The following DDC variants were observed in gnomAD, a reference collection of about 807,000 sequenced individuals.
The protein encoded by DDC is aromatic-L-amino-acid decarboxylase.
Under a neutral mutation model 60.0 loss-of-function variants are expected in DDC, and 43 were observed. That is an observed-to-expected ratio of 0.72 (90% CI 0.56 to 0.92). The LOEUF is 0.92. DDC is among the 40% of genes least tolerant of loss of function. The pLI is 0.00. For missense variants in DDC, 573 were observed against 620.2 expected (o/e 0.92, Z 0.81); for synonymous variants, 232 against 234.6 (o/e 0.99, Z 0.10).
chr7:50,548,092 C>G (rs1227423766), intron 1 of DDC, among the ~76,000 whole-genome samples: 2 of 152,146 alleles, frequency 1.3e-5, no homozygotes, highest in Non-Finnish European at 2.9e-5. Context: ...TGGACCACAC[C>G]CACATGATGG....
At chr7:50,502,917 T>C (rs2043294386) in intron 7 of DDC, among the ~76,000 whole-genome samples, 1 of 152,248 alleles carries the variant, frequency 6.6e-6, no homozygotes, top group African/African-American at 2.4e-5. Flanking sequence ...GGGTGGATCC[T>C]GGGCTGCACC....
At chr7:50,528,792 G>C (rs184512069) in intron 5 of DDC, among the ~76,000 whole-genome samples, 17 of 152,158 alleles carry the variant, frequency 1.1e-4, no homozygotes, top group Non-Finnish European at 2.1e-4. Flanking sequence ...CATGAAAGCC[G>C]GCCACCTTTT....
chr7:50,509,051 C>T (rs1230992774), intron 6 of DDC, among the ~76,000 whole-genome samples: 1 of 152,112 alleles, frequency 6.6e-6, no homozygotes, highest in Non-Finnish European at 1.5e-5. Flanking sequence ...TATTTGCGCC[C>T]TCTACCCATG....
intron 10 of DDC, 100 bp downstream of exon 10, chr7:50,479,687 T>G (rs2042724193): frequency 3.9e-6 from 4 of 1,025,148 alleles, no homozygotes; most frequent in Non-Finnish European, 6.2e-6. Flanking sequence ...AAAGCCTCCT[T>G]GGATATGGAT....
chr7:50,564,027 C>T (rs1007695632), intron 1 of DDC: 58 of 152,228 alleles, frequency 3.8e-4, no homozygotes, highest in African/African-American at 1.4e-3. Context: ...TCTCCCCTTT[C>T]CTGGAGACCA....
At chr7:50,518,225 AAG>A (rs1554427609) in intron 6 of DDC, among the ~76,000 whole-genome samples, 24 of 151,490 alleles carry the variant, frequency 1.6e-4, no homozygotes, top group African/African-American at 5.3e-4. Flanking sequence ...AAAAAAAAAA[AAG>A]AAATCATAGA....
chr7:50,475,624 C>T (rs1022905111), intron 11 of DDC, among the ~76,000 whole-genome samples: 2 of 152,176 alleles, frequency 1.3e-5, no homozygotes, highest in African/African-American at 4.8e-5. Context: ...CTTAGACACA[C>T]ACCTCTGTCG....
chr7:50,465,345 T>C (rs1013005271), intron 13 of DDC, among the ~76,000 whole-genome samples: 1 of 152,190 alleles, frequency 6.6e-6, no homozygotes, highest in African/African-American at 2.4e-5. Context: ...GGCTGCACAA[T>C]TCTGTAGATA....
intron 6 of DDC, among the ~76,000 whole-genome samples, chr7:50,509,981 T>G (rs888851886): frequency 6.6e-6 from 1 of 152,108 alleles, no homozygotes; most frequent in Non-Finnish European, 1.5e-5. Flanking sequence ...ACGTATCTTT[T>G]TTTTTTTGAG....
At chr7:50,513,868 C>G (rs2043654092) in intron 6 of DDC, among the ~76,000 whole-genome samples, 1 of 152,114 alleles carries the variant, frequency 6.6e-6, no homozygotes, top group Admixed American at 6.5e-5. Context: ...CCACCCCCGC[C>G]TGGTGGTCGG....
At chr7:50,497,701 C>T (rs1309784959) in intron 8 of DDC, among the ~76,000 whole-genome samples, 1 of 152,160 alleles carries the variant, frequency 6.6e-6, no homozygotes, top group East Asian at 1.9e-4. Flanking sequence ...ATATACTATA[C>T]CCTCTCTCCA....
intron 9 of DDC, among the ~76,000 whole-genome samples, chr7:50,486,542 G>A (rs1370896066): frequency 6.6e-6 from 1 of 152,178 alleles, no homozygotes; most frequent in Non-Finnish European, 1.5e-5. Context: ...CCTTAGATAT[G>A]AGGCTTATGG....
rs116902342 is a variant in DDC at position 50,524,572 on chromosome 7, A to G, written c.714+3565T>C. Among the ~76,000 whole-genome samples the G allele has an allele frequency of 1.5e-4, 23 of 152,354 alleles. No homozygotes were observed. In the East Asian group the frequency reaches 4.4e-3, roughly 29 times the overall value. ...AGATAGTGAATAAGCACATGAAAAG[A>G]TGTTCATTAGTTATCAGGGAACTGC... is the stretch of plus-strand genomic sequence containing the variant. On this transcript the variant is annotated intron_variant, in intron 6 of 14. Transcript: ENST00000444124.
chr7:50,505,407 T>G (rs1341694059), intron 6 of DDC, among the ~76,000 whole-genome samples: 1 of 152,210 alleles, frequency 6.6e-6, no homozygotes, highest in Non-Finnish European at 1.5e-5. Context: ...GAGTGTGGAA[T>G]AGAATTAAAT....
At chr7:50,523,874 C>T (rs1563025901) in intron 6 of DDC, among the ~76,000 whole-genome samples, 3 of 152,206 alleles carry the variant, frequency 2.0e-5, no homozygotes, top group Admixed American at 6.5e-5. Flanking sequence ...CACACAAATG[C>T]TTATAGCACT....
intron 13 of DDC, among the ~76,000 whole-genome samples, chr7:50,466,503 A>G (rs1242515071): frequency 2.2e-5 from 3 of 136,590 alleles, no homozygotes; most frequent in Non-Finnish European, 4.6e-5. Flanking sequence ...GAAAAAAAAA[A>G]AAAAAAAAAA....
chr7:50,493,815 TTA>T (rs2153538691), intron 9 of DDC, among the ~76,000 whole-genome samples: 1 of 109,464 alleles, frequency 9.1e-6, no homozygotes, highest in South Asian at 3.0e-4. Flanking sequence ...GTGGTTAGCC[TTA>T]AAAAAAAAAA....
At chr7:50,483,450 A>T (rs1273757004) in intron 9 of DDC, among the ~76,000 whole-genome samples, 1 of 152,200 alleles carries the variant, frequency 6.6e-6, no homozygotes, top group African/African-American at 2.4e-5. Context: ...GATTGTTTAT[A>T]GCTTTTCTGT....
At position 50,493,732 on chromosome 7, in the gene DDC, T is replaced by C. The variant is rs112017554; in HGVS notation, c.944+1618A>G. On this transcript the variant is annotated intron_variant, in intron 9 of 14. Transcript: ENST00000444124. ...CCCACATACCAACTGGTTTTAAAATTATATAGCAGAAGTTTGGGGAAAAAG... is the reference window on the plus strand; with the variant it reads ...CCCACATACCAACTGGTTTTAAAATCATATAGCAGAAGTTTGGGGAAAAAG... 7.0e-4 allele frequency among the ~76,000 whole-genome samples: 106 copies of C among 152,164 alleles called. 1 individual carries two copies. Among genetic ancestry groups the C allele is most frequent in the African/African-American group, 2.5e-3 (105 of 41,524 alleles).
Sources: gnomAD v4.1 joint callset for allele counts (sites outside exome capture counted in the v4.1 genomes callset) on GRCh38, gnomAD v4.1.1 for gene constraint, MANE v1.5 for transcripts, NCBI Gene and HGNC (gene_info 2026-07-23, HGNC 2026-07-21) for gene names.